DCDC1: variants seen among roughly 807,000 people sequenced by gnomAD.
The protein encoded by DCDC1 is doublecortin domain-containing protein 1.
In DCDC1, 200 loss-of-function variants were observed where a neutral mutation model predicts 178.3. The ratio of observed to expected loss-of-function variants is 1.12; its 90% CI spans 1.00 to 1.26. The LOEUF (loss-of-function observed/expected upper bound fraction) is 1.26, where lower values mean the gene tolerates loss of function less well. DCDC1 is among the 50% of genes most tolerant of loss of function. The pLI, the probability that DCDC1 is intolerant of heterozygous loss-of-function variation, is 0.00. For synonymous variants in DCDC1, 690 were observed against 604.8 expected (o/e 1.14, Z -2.07); for missense variants, 1,983 against 1,749.2 (o/e 1.13, Z -2.38).
chr11:31,114,202 C>A, intron 11 of DCDC1, among the ~76,000 whole-genome samples: 1 of 152,032 alleles, frequency 6.6e-6, no homozygotes, highest in East Asian at 1.9e-4. Context: ...AGCCATACCT[C>A]AAAAATGTGT....
intron 6 of DCDC1, among the ~76,000 whole-genome samples, chr11:31,299,012 A>C (rs1206840069): frequency 1.3e-5 from 2 of 152,242 alleles, no homozygotes; most frequent in Non-Finnish European, 2.9e-5. Context: ...ATGAGTTTAT[A>C]AAATACAAAT....
chr11:30,884,411 C>G (rs989376963), intron 36 of DCDC1, among the ~76,000 whole-genome samples: 1 of 151,802 alleles, frequency 6.6e-6, no homozygotes. Flanking sequence ...TTATAAGCAA[C>G]GCAATTAAAC....
chr11:31,011,581 A>T (rs1049529760), intron 20 of DCDC1, among the ~76,000 whole-genome samples: 1 of 152,206 alleles, frequency 6.6e-6, no homozygotes, highest in Non-Finnish European at 1.5e-5. Context: ...TACCATTTTA[A>T]ATCCATCAAA....
At position 31,250,274 on chromosome 11, in the gene DCDC1, A is replaced by T. The variant is rs550874857; in HGVS notation, c.1055-8658T>A. 3.4e-5 allele frequency among the ~76,000 whole-genome samples: 5 copies of T among 146,976 alleles called. No individual in the cohort carries two copies. The East Asian group carries it at 1.1e-3, about 33-fold the overall frequency. On this transcript the variant is annotated intron_variant, in intron 8 of 38. Coordinates refer to ENST00000684477, the MANE Select transcript of DCDC1 (RefSeq NM_001387274.1). ...TGATTCTATTTAAAAGTCAAAGAGA[A>T]TTATATTACTTAGTATCCAAAACAA...
chr11:30,929,468 TTTA>T (rs1946794122), intron 22 of DCDC1, among the ~76,000 whole-genome samples: 1 of 151,954 alleles, frequency 6.6e-6, no homozygotes, highest in South Asian at 2.1e-4. Context: ...TCAAAAGACT[TTTA>T]TTATTTAAGC....
intron 20 of DCDC1, among the ~76,000 whole-genome samples, chr11:31,031,037 G>A (rs1317620960): frequency 6.6e-6 from 1 of 152,028 alleles, no homozygotes; most frequent in Non-Finnish European, 1.5e-5. Context: ...AAAAGTGTTA[G>A]GATTACAAAT....
At chr11:30,888,094 A>G (rs1407683623) in intron 36 of DCDC1, among the ~76,000 whole-genome samples, 22 of 118,938 alleles carry the variant, frequency 1.8e-4, no homozygotes, top group African/African-American at 6.7e-4. Context: ...GAAAGAAAGA[A>G]AGAAAAAGAA....
intron 9 of DCDC1, among the ~76,000 whole-genome samples, chr11:31,147,437 A>G (rs1565347141): frequency 6.6e-6 from 1 of 152,200 alleles, no homozygotes; most frequent in African/African-American, 2.4e-5. Flanking sequence ...ACTCAGCAAC[A>G]ATATTATTGT....
intron 9 of DCDC1, among the ~76,000 whole-genome samples, chr11:31,233,666 G>GTGTTT (rs372441884): frequency 0.021 from 3,131 of 152,254 alleles, 91 homozygotes; most frequent in African/African-American, 0.07. Flanking sequence ...TGAACTATAT[G>GTGTTT]TGTTTTGTTT....
chr11:30,872,241 G>T (rs565756892), intron 38 of DCDC1, among the ~76,000 whole-genome samples: 2 of 152,058 alleles, frequency 1.3e-5, no homozygotes, highest in South Asian at 4.2e-4. Context: ...ATTTTTTGTT[G>T]TTGTTGTTTT....
chr11:31,062,769 GCTTTTTTTT>G (rs983780685), intron 20 of DCDC1, among the ~76,000 whole-genome samples: 24 of 151,366 alleles, frequency 1.6e-4, no homozygotes, highest in East Asian at 3.9e-4. Context: ...ATATAAAATA[GCTTTTTTTT>G]CTTTTTTTTC....
At chr11:31,071,925 A>G (rs1211875568) in intron 18 of DCDC1, among the ~76,000 whole-genome samples, 1 of 152,220 alleles carries the variant, frequency 6.6e-6, no homozygotes, top group African/African-American at 2.4e-5. Flanking sequence ...TAGTCTCACA[A>G]GTAACTTTGA....
intron 9 of DCDC1, among the ~76,000 whole-genome samples, chr11:31,236,233 A>AG: frequency 6.6e-6 from 1 of 152,162 alleles, no homozygotes; most frequent in Non-Finnish European, 1.5e-5. Flanking sequence ...TTACCTATGC[A>AG]CAAACTCTAG....
chr11:31,266,635 T>C (rs971143897), intron 7 of DCDC1, among the ~76,000 whole-genome samples: 1 of 152,224 alleles, frequency 6.6e-6, no homozygotes, highest in Non-Finnish European at 1.5e-5. Context: ...TATATTAATA[T>C]GATTATAGTA....
chr11:31,267,476 G>A (rs1262894571), intron 7 of DCDC1, among the ~76,000 whole-genome samples: 4 of 152,214 alleles, frequency 2.6e-5, no homozygotes, highest in Admixed American at 2.6e-4. Context: ...AGAGGCGTGA[G>A]CCATCACGCC....
chr11:31,057,699 AATCAGCTTGGGTCT>A (rs1158627577), intron 20 of DCDC1, among the ~76,000 whole-genome samples: 3 of 151,990 alleles, frequency 2.0e-5, no homozygotes, highest in African/African-American at 7.3e-5. Flanking sequence ...GGCCAAGTAC[AATCAGCTTGGGTCT>A]ATCAAGTACA....
chr11:31,356,205 A>G (rs1379005455), intron 1 of DCDC1, among the ~76,000 whole-genome samples: 1 of 152,152 alleles, frequency 6.6e-6, no homozygotes, highest in Non-Finnish European at 1.5e-5. Context: ...CCAAGCCAAG[A>G]CTCTAACAAA....
In DCDC1 at chr11:31,104,179, C is replaced by T. The variant is rs535373093; in HGVS notation, c.1752-410G>A. ...ACGAACAACTATTTCTGTGAGCTCA[C>T]TAAATGCCATGCTGATTTGATTTTC... is the stretch of plus-strand genomic sequence containing the variant. On this transcript the variant is annotated intron_variant, in intron 13 of 38. Coordinates refer to ENST00000684477, the MANE Select transcript of DCDC1 (RefSeq NM_001387274.1). 2.0e-5 allele frequency among the ~76,000 whole-genome samples: 3 copies of T among 152,188 alleles called. No individual in the cohort carries two copies. In the South Asian group the frequency reaches 6.2e-4, roughly 32 times the overall value.
intron 3 of DCDC1, chr11:31,314,385 C>A (rs932739477): frequency 1.3e-5 from 2 of 152,160 alleles, no homozygotes; most frequent in African/African-American, 2.4e-5. Flanking sequence ...ATTAGTTGTA[C>A]ATCTATTGAA....
Sources: gnomAD v4.1 joint callset for allele counts (sites outside exome capture counted in the v4.1 genomes callset) on GRCh38, gnomAD v4.1.1 for gene constraint, MANE v1.5 for transcripts, NCBI Gene and HGNC (gene_info 2026-07-23, HGNC 2026-07-21) for gene names.